CAMKK1: variants seen among roughly 807,000 people sequenced by gnomAD.
CAMKK1 encodes the protein calcium/calmodulin dependent protein kinase kinase 1.
In CAMKK1, 20 loss-of-function variants were observed where a neutral mutation model predicts 63.5. That is an observed-to-expected ratio of 0.32 (90% CI 0.22 to 0.46). The LOEUF (loss-of-function observed/expected upper bound fraction) is 0.46. Among genes scored for constraint, CAMKK1 ranks in the 20% least tolerant of loss-of-function variants. The pLI is 1.00. For missense variants in CAMKK1, 588 were observed against 658.1 expected, an observed-to-expected ratio of 0.89 and a Z score of 1.17; for synonymous variants, 253 against 269.0, an observed-to-expected ratio of 0.94 and a Z score of 0.58.
rs773153845 is a variant in CAMKK1, at chr17:3,885,406, C to A, written c.282G>T (p.Gly94=). The change falls in exon 2 of 16, where the codon GGG becomes GGT. Residue 94 remains glycine (G), a synonymous_variant. Transcript: ENST00000348335. ...LEAQAGPYAT[G]PASHISPRAW... is the part of the protein sequence containing the mutation. ...CCCGGGGGGAGATGTGGCTGGCAGG[C>A]CCCGTGGCATAAGGCCCAGCCTGCG... The A allele has an allele frequency of 4.3e-6, 7 of 1,611,460 alleles. No homozygotes were observed. The highest frequency in any genetic ancestry group is 5.9e-6 in the Non-Finnish European group (7 of 1,179,548).
chr17:3,890,792 C>A lies in CAMKK1; in HGVS notation c.-44+2147G>T. The A allele has an allele frequency of 1.3e-6, 1 of 779,776 alleles. No homozygotes were observed. The highest frequency in any genetic ancestry group is 1.3e-5 in the South Asian group (1 of 74,620). The allele number at this position is 779,776 out of a possible 1,614,324, so 48.3% of individuals were successfully genotyped here. On this transcript the variant is annotated intron_variant, in intron 1 of 15. Coordinates refer to ENST00000348335, the MANE Select transcript of CAMKK1 (RefSeq NM_032294.3). This position sits in a 1 kb window ranked among gnomAD's most constrained non-coding sequence, Gnocchi z 6.5. The stretch of plus-strand genomic sequence containing the variant: ...CCTTCTGCCAGGAACACACCTCCCT[C>A]TCCTCTGCTGCCTGGAGGACAGCTC...
At position 3,890,216 on chromosome 17, in the gene CAMKK1, C is replaced by T. The variant is rs1475444365; in HGVS notation, c.-44+2723G>A. 6.6e-6 allele frequency among the ~76,000 whole-genome samples: 1 copy of T among 152,194 alleles called. No homozygotes were observed. The highest frequency in any genetic ancestry group is 1.5e-5 in the Non-Finnish European group (1 of 68,028). ...CAGCTCCCGCCCCCACCCGGGATGA[C>T]TCAGTCCCCTTGAGGGAGGCCCAGG... On this transcript the variant is annotated intron_variant, in intron 1 of 15. Transcript: ENST00000348335. The surrounding 1 kb of genome is among the most constrained non-coding windows in gnomAD (Gnocchi z 6.5).
At chr17:3,885,124 G>T (rs1451786645) in intron 2 of CAMKK1, among the ~76,000 whole-genome samples, 1 of 152,012 alleles carries the variant, frequency 6.6e-6, no homozygotes, top group Non-Finnish European at 1.5e-5. Context: ...AGTGGGAATA[G>T]CAGGACTTAG....
intron 1 of CAMKK1, among the ~76,000 whole-genome samples, chr17:3,891,343 T>C (rs142750309): frequency 6.6e-6 from 1 of 152,084 alleles, no homozygotes; most frequent in East Asian, 1.9e-4. Flanking sequence ...AAGTGGTACA[T>C]ATAGGAAGAA....
chr17:3,871,347 GTTTT>G lies in CAMKK1; in HGVS notation c.1124+1203_1124+1206del, dbSNP rs869219931. Among the ~76,000 whole-genome samples, 102 of 104,332 alleles carry G rather than the reference GTTTT, an allele frequency of 9.8e-4. 1 individual carries two copies. Among genetic ancestry groups the G allele is most frequent in the African/African-American group, 3.4e-3 (94 of 27,586 alleles). 68.4% of individuals were successfully genotyped at this position (104,332 alleles called of 152,430 possible). On this transcript the variant is annotated intron_variant, in intron 12 of 15. Transcript: ENST00000348335. Reference sequence around the variant, plus strand: ...TGTTGTTTTTTGTTTTTTTTTTTTTGTTTTTTTTTTTTTTTTTTTTTTTTTGAGA... The same window carrying G: ...TGTTGTTTTTTGTTTTTTTTTTTTTGTTTTTTTTTTTTTTTTTTTTTGAGA...
Position 3,890,678 on chromosome 17 carries a change from C to T in CAMKK1, c.-44+2261G>A, listed in dbSNP as rs1357972382. ...CCCTGTTGCCCACCCTTGCTCCCCACAACCCCACACTTACTCTCCACTGCA... is the reference window on the plus strand; with the variant it reads ...CCCTGTTGCCCACCCTTGCTCCCCATAACCCCACACTTACTCTCCACTGCA... On this transcript the variant is annotated intron_variant, in intron 1 of 15. Coordinates refer to ENST00000348335, the MANE Select transcript of CAMKK1 (RefSeq NM_032294.3). This position sits in a 1 kb window ranked among gnomAD's most constrained non-coding sequence, Gnocchi z 6.5. 5.1e-6 allele frequency: 4 copies of T among 779,844 alleles called. No individual in the cohort carries two copies. Among genetic ancestry groups the T allele is most frequent in the Non-Finnish European group, 9.6e-6 (4 of 417,974 alleles). 48.3% of individuals were successfully genotyped at this position (779,844 alleles called of 1,614,324 possible).
chr17:3,871,349 T>TTTTTTG (rs1276069029), intron 12 of CAMKK1, among the ~76,000 whole-genome samples: 1 of 26,240 alleles, frequency 3.8e-5, no homozygotes, highest in African/African-American at 2.4e-4. Flanking sequence ...TTTTTTTTGT[T>TTTTTTG]TTTTTTTTTT....
chr17:3,868,906 G>A lies in CAMKK1; in HGVS notation c.1341+581C>T, dbSNP rs374992409. 4.3e-3 allele frequency among the ~76,000 whole-genome samples: 647 copies of A among 152,000 alleles called. 3 individuals carry two copies. Among genetic ancestry groups the A allele is most frequent in the Middle Eastern group, 0.01 (3 of 290 alleles). On this transcript the variant is annotated intron_variant, in intron 14 of 15. Transcript: ENST00000348335. ...CTGACCTCGTGATCCACCCGCCTCGGCCTCCCAAAGTGCTGGGATTCCAGG... is the reference window on the plus strand; with the variant it reads ...CTGACCTCGTGATCCACCCGCCTCGACCTCCCAAAGTGCTGGGATTCCAGG...
chr17:3,869,699 C>G (rs549443540), intron 13 of CAMKK1, 84 bp from the exon 14 acceptor site: 123 of 1,605,724 alleles, frequency 7.7e-5, no homozygotes, highest in Admixed American at 4.8e-4. Flanking sequence ...TCCACAGACT[C>G]AAACCCAACA....
At position 3,873,434 on chromosome 17, in the gene CAMKK1, G is replaced by A. The variant is rs750900151; in HGVS notation, c.1025C>T (p.Thr342Met). ...KALDVWATGV[T>M]LYCFVYGKCP... ...CTTCCCATAGACAAAGCAGTACAAC[G>A]TGACGCCAGTGGCCCATACATCCAA... The change falls in exon 11 of 16, where the codon ACG becomes ATG. Residue 342 changes from threonine to methionine, a missense_variant. Physicochemically the swap from Thr to Met is moderately conservative, Grantham distance 81 (BLOSUM62 -1). This residue lies in a region of CAMKK1 where 226 missense variants were observed against 229.2 expected (regional missense o/e 0.99). Coordinates refer to ENST00000348335, the MANE Select transcript of CAMKK1 (RefSeq NM_032294.3). 2.5e-6 allele frequency: 4 copies of A among 1,614,124 alleles called. No individual in the cohort carries two copies. The highest frequency in any genetic ancestry group is 3.4e-6 in the Non-Finnish European group (4 of 1,180,028).
Position 3,885,533 on chromosome 17 carries a change from G to A in CAMKK1, c.155C>T (p.Ser52Phe), listed in dbSNP as rs1194384481. 1 of 1,614,002 alleles carries A rather than the reference G, an allele frequency of 6.2e-7. No individual in the cohort carries two copies. The highest frequency in any genetic ancestry group is 1.1e-5 in the South Asian group (1 of 91,092). Residue 52 changes from serine to phenylalanine, a missense_variant, in exon 2 of 16, where the codon TCT (serine) becomes TTT (phenylalanine). Coordinates refer to ENST00000348335, the MANE Select transcript of CAMKK1 (RefSeq NM_032294.3). ...VDPPPRARAA[S>F]VIPGSTSRLL... is the part of the protein sequence containing the mutation. ...TCTTGAAGTACTGCCAGGGATCACA[G>A]AGGCAGCTCTGGCCCGTGGTGGGGG... is the stretch of plus-strand genomic sequence containing the variant.
In CAMKK1 at chr17:3,880,398, C is replaced by T. The variant is rs141585801; in HGVS notation, c.744G>A (p.Ser248=). ...VMEVPCDKPF[S]EEQARLYLRD... ...GCAGGTAGAGGCGAGCTTGCTCCTC[C>T]GAGAAGGGCTTGTCACAGGGCACTT... The change falls in exon 9 of 16, where the codon TCG becomes TCA. Residue 248 remains serine, a synonymous_variant. Coordinates refer to ENST00000348335, the MANE Select transcript of CAMKK1 (RefSeq NM_032294.3). 781 of 1,613,926 alleles carry T rather than the reference C, an allele frequency of 4.8e-4. 2 individuals are homozygous for T. Among genetic ancestry groups the T allele is most frequent in the Admixed American group, 2.2e-3 (132 of 59,990 alleles).
rs2054320831 is a variant in CAMKK1, at chr17:3,861,052, T to G, written c.*1159A>C. ...ATCCCAGAGAGAAGGTGAAGGCTGC[T>G]CCGGAAGAGCTGTGTCTGCACGCGC... On this transcript the variant is annotated 3_prime_UTR_variant, in exon 16 of 16. Coordinates refer to ENST00000348335, the MANE Select transcript of CAMKK1 (RefSeq NM_032294.3). The G allele has an allele frequency of 6.6e-6, 1 of 152,290 alleles. No homozygotes were observed. The highest frequency in any genetic ancestry group is 2.1e-4 in the South Asian group (1 of 4,834). 9.4% of individuals were successfully genotyped at this position (152,290 alleles called of 1,614,324 possible).
chr17:3,889,545 C>T lies in CAMKK1; in HGVS notation c.-44+3394G>A, dbSNP rs1294760557. Among the ~76,000 whole-genome samples, 1 of 152,016 alleles carries T rather than the reference C, an allele frequency of 6.6e-6. No individual in the cohort carries two copies. The highest frequency in any genetic ancestry group is 1.5e-5 in the Non-Finnish European group (1 of 68,016). On this transcript the variant is annotated intron_variant, in intron 1 of 15. Coordinates refer to ENST00000348335, the MANE Select transcript of CAMKK1 (RefSeq NM_032294.3). This position sits in a 1 kb window ranked among gnomAD's most constrained non-coding sequence, Gnocchi z 5.2. ...CATCAAGCAGAAGGCCACTGTCCTGCCAACTCCCAGGGCGATGGAAGGAAC... is the reference window on the plus strand; with the variant it reads ...CATCAAGCAGAAGGCCACTGTCCTGTCAACTCCCAGGGCGATGGAAGGAAC...
At chr17:3,874,993 G>T (rs544224978) in intron 10 of CAMKK1, among the ~76,000 whole-genome samples, 1 of 152,048 alleles carries the variant, frequency 6.6e-6, no homozygotes, top group Non-Finnish European at 1.5e-5. Context: ...GTGGTGGTGG[G>T]CGCCTGTAGT....
At position 3,893,024 on chromosome 17, in the gene CAMKK1, A is replaced by G. The variant is rs1308340595; in HGVS notation, c.-129T>C. 1.6e-5 allele frequency: 1 copy of G among 62,638 alleles called. No homozygotes were observed. 3.9% of individuals were successfully genotyped at this position (62,638 alleles called of 1,614,324 possible). ...GCCCCGCCCCGCCCCGCCCCGCCCC[A>G]CCGCCTCGCTGGGGCCCAGATCGCC... On this transcript the variant is annotated 5_prime_UTR_variant, in exon 1 of 16. Coordinates refer to ENST00000348335, the MANE Select transcript of CAMKK1 (RefSeq NM_032294.3). The surrounding 1 kb of genome is among the most constrained non-coding windows in gnomAD (Gnocchi z 4.6).
rs34454542 is a variant in CAMKK1, at chr17:3,863,958, C to CT, written c.1446-1676dup. On this transcript the variant is annotated intron_variant, in intron 15 of 15. Coordinates refer to ENST00000348335, the MANE Select transcript of CAMKK1 (RefSeq NM_032294.3). The stretch of plus-strand genomic sequence containing the variant: ...GGCATAATTATTATTACTTTTTTTT[C>CT]TTTTTTTTTTTTGAGACAGGGTCTG... Among the ~76,000 whole-genome samples, 1,262 of 144,822 alleles carry CT rather than the reference C, an allele frequency of 8.7e-3. 16 individuals are homozygous for CT. The highest frequency in any genetic ancestry group is 0.027 in the African/African-American group (1,070 of 39,706).
chr17:3,869,590 C>T lies in CAMKK1; in HGVS notation c.1238G>A (p.Gly413Glu). 1 of 1,614,244 alleles carries T rather than the reference C, an allele frequency of 6.2e-7. No homozygotes were observed. The highest frequency in any genetic ancestry group is 2.2e-5 in the East Asian group (1 of 44,876). ...IKLHPWVTKNGEEPLPSEEEH... is the reference protein window; with the variant it reads ...IKLHPWVTKNEEEPLPSEEEH... The stretch of plus-strand genomic sequence containing the variant: ...CTCCTCCGAAGGAAGGGGCTCCTCC[C>T]CGTTCTTGGTCACCCAAGGGTGCAA... Residue 413 changes from glycine to glutamate, a missense_variant, in exon 14 of 16, where the codon GGG becomes GAG. This residue lies in a region of CAMKK1 where 226 missense variants were observed against 229.2 expected (regional missense o/e 0.99). Transcript: ENST00000348335.
In CAMKK1 at chr17:3,885,573, T is replaced by C; in HGVS notation, c.115A>G (p.Arg39Gly). 6.2e-7 allele frequency: 1 copy of C among 1,614,110 alleles called. No homozygotes were observed. Among genetic ancestry groups the C allele is most frequent in the Non-Finnish European group, 8.5e-7 (1 of 1,180,024 alleles). Reference sequence around the variant, plus strand: ...CGTGGTGGGGGGTCCACACCGTTTCTAGTAGGCTCTGGGCCACCATCTGCC... The same window carrying C: ...CGTGGTGGGGGGTCCACACCGTTTCCAGTAGGCTCTGGGCCACCATCTGCC... ...EEADGGPEPTRNGVDPPPRAR... is the reference protein window; with the variant it reads ...EEADGGPEPTGNGVDPPPRAR... Residue 39 changes from arginine to glycine, a missense_variant, in exon 2 of 16, where the codon AGA (arginine) becomes GGA (glycine). Transcript: ENST00000348335.
Sources: gnomAD v4.1 joint callset for allele counts (sites outside exome capture counted in the v4.1 genomes callset) on GRCh38, gnomAD v4.1.1 for gene constraint, gnomAD v4.1.1 regional missense constraint, Gnocchi (gnomAD v3.1) non-coding constraint, MANE v1.5 for transcripts, NCBI Gene and HGNC (gene_info 2026-07-23, HGNC 2026-07-21) for gene names.